DAAM1: variants seen among roughly 807,000 people sequenced by gnomAD.
DAAM1 encodes dishevelled associated activator of morphogenesis 1, also known as disheveled-associated activator of morphogenesis 1.
A neutral mutation model predicts 130.0 loss-of-function variants in DAAM1; 52 were observed. The observed-to-expected ratio is 0.40, with a 90% CI of 0.32 to 0.50. The LOEUF (loss-of-function observed/expected upper bound fraction) is 0.50, where lower values mean the gene tolerates loss of function less well. Among genes scored for constraint, DAAM1 ranks in the 20% least tolerant of loss-of-function variants. DAAM1 has a pLI of 0.61. For synonymous variants in DAAM1, 452 were observed against 444.5 expected (o/e 1.02, Z -0.21); for missense variants, 1,134 against 1,303.8 (o/e 0.87, Z 2.01).
At chr14:59,239,633 C>T (rs1889415698) in intron 1 of DAAM1, among the ~76,000 whole-genome samples, 1 of 152,014 alleles carries the variant, frequency 6.6e-6, no homozygotes, top group African/African-American at 2.4e-5. Context: ...TTCCCCACCG[C>T]GCCCCCACCC....
At chr14:59,218,764 T>A (rs1160826341) in intron 1 of DAAM1, among the ~76,000 whole-genome samples, 1 of 152,226 alleles carries the variant, frequency 6.6e-6, no homozygotes, top group Non-Finnish European at 1.5e-5. Flanking sequence ...TGGTTTCTGA[T>A]TCTTTGGAGA....
chr14:59,245,499 T>C (rs549460225), intron 1 of DAAM1, among the ~76,000 whole-genome samples: 24 of 152,316 alleles, frequency 1.6e-4, no homozygotes, highest in African/African-American at 5.1e-4. Context: ...ATTACCTAAT[T>C]AGACACTTTT....
chr14:59,366,604 T>C (rs1388832417), intron 23 of DAAM1, among the ~76,000 whole-genome samples: 5 of 152,218 alleles, frequency 3.3e-5, no homozygotes, highest in Admixed American at 3.3e-4. Context: ...TAAAAAGTCA[T>C]AGGAGGTCAT....
intron 1 of DAAM1, among the ~76,000 whole-genome samples, chr14:59,240,838 A>C (rs1038815634): frequency 1.3e-5 from 2 of 152,248 alleles, no homozygotes; most frequent in African/African-American, 4.8e-5. Context: ...CCATGTGTCC[A>C]TCTCTGGATG....
chr14:59,217,843 C>T (rs1013546512), intron 1 of DAAM1, among the ~76,000 whole-genome samples: 12 of 151,976 alleles, frequency 7.9e-5, no homozygotes, highest in Admixed American at 1.3e-4. Context: ...AAAAATTAGC[C>T]GGGCGTGGTG....
intron 22 of DAAM1, among the ~76,000 whole-genome samples, chr14:59,362,034 T>A (rs1282514304): frequency 5.4e-5 from 8 of 149,106 alleles, no homozygotes; most frequent in African/African-American, 7.4e-5. Context: ...TTTTTTTTTT[T>A]AATGTAGGGA....
intron 1 of DAAM1, among the ~76,000 whole-genome samples, chr14:59,229,124 G>A (rs749290538): frequency 3.9e-5 from 6 of 152,180 alleles, no homozygotes; most frequent in African/African-American, 4.8e-5. Context: ...TTTCTTCCAT[G>A]TGTGCCATTT....
chr14:59,350,191 C>T (rs188361276), intron 17 of DAAM1, among the ~76,000 whole-genome samples: 24 of 152,222 alleles, frequency 1.6e-4, no homozygotes, highest in African/African-American at 5.5e-4. Flanking sequence ...CTTCTGTCTT[C>T]CCCCACTTCC....
At position 59,369,057 on chromosome 14, in the gene DAAM1, C is replaced by A. The variant is rs953516213; in HGVS notation, c.*198C>A. 1.1e-5 allele frequency: 6 copies of A among 549,822 alleles called. No individual in the cohort carries two copies. Among genetic ancestry groups the A allele is most frequent in the Non-Finnish European group, 1.9e-5 (6 of 313,432 alleles). The allele number at this position is 549,822 out of a possible 1,614,324, so 34.1% of individuals were successfully genotyped here. A position where few individuals can be genotyped will look rare whatever the true frequency, so the allele number is the denominator to read the frequency against. ...TAGATGTCTGAGTGTTGTCTGGAGA[C>A]CTATACGTATGGTTAAAAAGATTTA... On this transcript the variant is annotated 3_prime_UTR_variant, in exon 25 of 25. Transcript: ENST00000360909.
At chr14:59,367,051 G>A (rs1886945452) in intron 23 of DAAM1, among the ~76,000 whole-genome samples, 2 of 152,014 alleles carry the variant, frequency 1.3e-5, no homozygotes, top group South Asian at 4.1e-4. Context: ...CACTTTGGGA[G>A]GCCAAGGTGG....
chr14:59,203,342 T>G (rs529544597), intron 1 of DAAM1, among the ~76,000 whole-genome samples: 1 of 152,158 alleles, frequency 6.6e-6, no homozygotes, highest in African/African-American at 2.4e-5. Flanking sequence ...GTGGTAATAG[T>G]GACATATTTG....
intron 17 of DAAM1, among the ~76,000 whole-genome samples, chr14:59,348,101 A>T (rs1164806256): frequency 6.6e-6 from 1 of 152,226 alleles, no homozygotes; most frequent in Admixed American, 6.5e-5. Flanking sequence ...AAATACACAT[A>T]CGTGTCACAA....
At chr14:59,210,129 G>A (rs1888383217) in intron 1 of DAAM1, among the ~76,000 whole-genome samples, 1 of 152,136 alleles carries the variant, frequency 6.6e-6, no homozygotes, top group African/African-American at 2.4e-5. Flanking sequence ...GGGTCTGAAT[G>A]AGACCCTGTC....
In DAAM1 at chr14:59,370,326, ATATT is replaced by A. The variant is rs780545187; in HGVS notation, c.*1472_*1475del. On this transcript the variant is annotated 3_prime_UTR_variant, in exon 25 of 25. Coordinates refer to ENST00000360909, the MANE Select transcript of DAAM1 (RefSeq NM_001270520.2). Reference sequence around the variant, plus strand: ...ATTGAGTTTTTCAGTCAATTAACAAATATTTATTAAGTTCCTACTATGTACCAGG... The same window carrying A: ...ATTGAGTTTTTCAGTCAATTAACAAATATTAAGTTCCTACTATGTACCAGG... 6.6e-6 allele frequency: 1 copy of A among 152,040 alleles called. No homozygotes were observed. Among genetic ancestry groups the A allele is most frequent in the East Asian group, 1.9e-4 (1 of 5,180 alleles). 9.4% of individuals were successfully genotyped at this position (152,040 alleles called of 1,614,324 possible). A position where few individuals can be genotyped will look rare whatever the true frequency, so the allele number is the denominator to read the frequency against.
intron 1 of DAAM1, among the ~76,000 whole-genome samples, chr14:59,238,757 TA>T (rs1399184540): frequency 6.6e-6 from 1 of 152,198 alleles, no homozygotes; most frequent in Non-Finnish European, 1.5e-5. Context: ...TACTTCTGAA[TA>T]TTTTTTTTTG....
At chr14:59,221,344 A>G (rs146871052) in intron 1 of DAAM1, among the ~76,000 whole-genome samples, 4 of 152,368 alleles carry the variant, frequency 2.6e-5, no homozygotes, top group Admixed American at 2.6e-4. Context: ...ATATACACAC[A>G]AACGTATTCA....
intron 1 of DAAM1, among the ~76,000 whole-genome samples, chr14:59,230,777 G>A (rs1451871631): frequency 6.6e-6 from 1 of 151,724 alleles, no homozygotes; most frequent in Non-Finnish European, 1.5e-5. Flanking sequence ...AGGGGTGGGA[G>A]GGGTACTCCA....
At chr14:59,253,163 T>C (rs1340404838) in intron 1 of DAAM1, among the ~76,000 whole-genome samples, 2 of 152,212 alleles carry the variant, frequency 1.3e-5, no homozygotes, top group Non-Finnish European at 2.9e-5. Context: ...GGCAAAAATA[T>C]GTACAACTTT....
chr14:59,311,729 T>G (rs1884604538), intron 3 of DAAM1, among the ~76,000 whole-genome samples: 1 of 152,202 alleles, frequency 6.6e-6, no homozygotes, highest in South Asian at 2.1e-4. Context: ...TTGTCTTTTC[T>G]TTATTGTTTG....
Sources: allele counts gnomAD v4.1 joint callset (sites outside exome capture counted in the v4.1 genomes callset), GRCh38; gene constraint gnomAD v4.1.1; transcripts MANE v1.5; gene names NCBI Gene and HGNC (gene_info 2026-07-23, HGNC 2026-07-21).